The following SNX30 variants were observed in gnomAD, a reference collection of about 807,000 sequenced individuals.
The protein encoded by SNX30 is sorting nexin-30.
SNX30 carries 24 observed loss-of-function variants against 46.4 expected under a neutral mutation model. The ratio of observed to expected loss-of-function variants is 0.52; its 90% CI spans 0.37 to 0.73. SNX30 has a LOEUF of 0.73. Ranked by LOEUF, SNX30 falls within the 30% of genes least tolerant of loss-of-function variation. The probability of loss-of-function intolerance (pLI) is 0.00; values close to 1 mark genes in which losing one functional copy is unlikely to be tolerated. For synonymous variants in SNX30, 189 were observed against 211.5 expected (o/e 0.89, Z 0.92); for missense variants, 533 against 555.7 (o/e 0.96, Z 0.41).
At chr9:112,875,514 A>G (rs1841508070), downstream of SNX30, among the ~76,000 whole-genome samples, 1 of 152,230 alleles carries the variant, frequency 6.6e-6, no homozygotes, top group Non-Finnish European at 1.5e-5. Context: ...TTTTCCACTT[A>G]CTAGCTATGT....
downstream of SNX30, chr9:112,879,333 G>A (rs529744591): frequency 1.2e-5 from 2 of 161,378 alleles, no homozygotes; most frequent in African/African-American, 4.8e-5. Context: ...CACGCTTTGA[G>A]TTCTCCCATG....
chr9:112,829,627 A>T (rs1840630856), intron 3 of SNX30, among the ~76,000 whole-genome samples: 1 of 152,196 alleles, frequency 6.6e-6, no homozygotes, highest in African/African-American at 2.4e-5. Flanking sequence ...GGAATTGGTG[A>T]GTTTTATGGT....
chr9:112,826,771 G>T (rs928040526), intron 3 of SNX30, among the ~76,000 whole-genome samples: 1 of 152,220 alleles, frequency 6.6e-6, no homozygotes, highest in Non-Finnish European at 1.5e-5. Context: ...AAAAGCTGGG[G>T]TATGAGAATG....
At chr9:112,885,719 AGAT>A (rs1841635107), downstream of SNX30, 1 of 152,218 alleles carries the variant, frequency 6.6e-6, no homozygotes, top group Non-Finnish European at 1.5e-5. Context: ...TTAGATGTGG[AGAT>A]GATATTTTGC....
intron 4 of SNX30, among the ~76,000 whole-genome samples, chr9:112,835,738 G>A (rs4276760): frequency 0.17 from 26,534 of 152,082 alleles, 3,120 homozygotes; most frequent in African/African-American, 0.34. Context: ...CTAGGCCTGA[G>A]TTTTCTAGCA....
At chr9:112,837,903 T>C (rs1840788331) in intron 5 of SNX30, among the ~76,000 whole-genome samples, 1 of 145,854 alleles carries the variant, frequency 6.9e-6, no homozygotes, top group Non-Finnish European at 1.5e-5. Context: ...TTTTTTTTTT[T>C]TTTTTTTGAC....
At chr9:112,835,086 G>A (rs1489054731) in intron 4 of SNX30, among the ~76,000 whole-genome samples, 2 of 152,152 alleles carry the variant, frequency 1.3e-5, no homozygotes, top group African/African-American at 4.8e-5. Context: ...ATCAGGCCAC[G>A]TCACCAGAAA....
intron 1 of SNX30, among the ~76,000 whole-genome samples, chr9:112,756,225 G>A: frequency 7.0e-6 from 1 of 142,606 alleles, no homozygotes; most frequent in Admixed American, 7.0e-5. Flanking sequence ...AGACAAGCAG[G>A]AAACAAATAT....
At chr9:112,830,179 C>T (rs1034275516) in intron 3 of SNX30, among the ~76,000 whole-genome samples, 2 of 151,984 alleles carry the variant, frequency 1.3e-5, no homozygotes, top group Non-Finnish European at 2.9e-5. Flanking sequence ...AAGGAAATTA[C>T]GTTTTAAATA....
intron 1 of SNX30, among the ~76,000 whole-genome samples, chr9:112,757,777 G>C (rs1205486551): frequency 1.3e-5 from 2 of 152,014 alleles, no homozygotes; most frequent in East Asian, 3.8e-4. Flanking sequence ...GCCCATCTCC[G>C]TGGTTGCTCC....
downstream of SNX30, chr9:112,879,043 C>T (rs1270457041): frequency 6.6e-6 from 1 of 152,218 alleles, no homozygotes; most frequent in Non-Finnish European, 1.5e-5. Context: ...ACACCACCCA[C>T]TTTGGGAAGC....
At chr9:112,845,041 AAAT>A (rs1840919511) in intron 6 of SNX30, among the ~76,000 whole-genome samples, 1 of 152,224 alleles carries the variant, frequency 6.6e-6, no homozygotes, top group Admixed American at 6.5e-5. Flanking sequence ...CTTGCAGCTA[AAAT>A]AATGTGAAGA....
rs866302387 is a variant in SNX30 at position 112,867,134 on chromosome 9, C to T, written c.1255-1650C>T. Among the ~76,000 whole-genome samples the T allele has an allele frequency of 6.1e-5, 9 of 147,724 alleles. No homozygotes were observed. In the South Asian group the frequency reaches 2.0e-3, roughly 32 times the overall value. On this transcript the variant is annotated intron_variant, in intron 8 of 8. Coordinates refer to ENST00000374232, the MANE Select transcript of SNX30 (RefSeq NM_001012994.2). ...TCCCACCTCCTCAGAACTCCCCACC[C>T]CCTCGGAACTCCTCCTACCTCAGGA...
At chr9:112,880,814 C>G (rs1330302399) in intron 5 of SNX30, among the ~76,000 whole-genome samples, 1 of 152,168 alleles carries the variant, frequency 6.6e-6, no homozygotes, top group Non-Finnish European at 1.5e-5. Flanking sequence ...TTTATGGCAT[C>G]AGAATGGAAT....
intron 6 of SNX30, among the ~76,000 whole-genome samples, chr9:112,844,911 A>G (rs994421177): frequency 2.0e-5 from 3 of 151,664 alleles, no homozygotes; most frequent in Non-Finnish European, 2.9e-5. Flanking sequence ...TTGGTGCTTT[A>G]GGTTGGCCAT....
chr9:112,817,400 G>GTTTTTTTTTT (rs1256963697), intron 2 of SNX30, among the ~76,000 whole-genome samples: 8 of 34,384 alleles, frequency 2.3e-4, no homozygotes, highest in African/African-American at 8.1e-4. Context: ...AAAAAAACTG[G>GTTTTTTTTTT]CTTTTTTTTT....
chr9:112,841,333 G>A (rs10817394), intron 6 of SNX30, among the ~76,000 whole-genome samples: 9,287 of 152,200 alleles, frequency 0.061, 649 homozygotes, highest in African/African-American at 0.16. Context: ...CATTACACTG[G>A]GAGACATAGC....
intron 1 of SNX30, among the ~76,000 whole-genome samples, chr9:112,793,727 G>A (rs1243346052): frequency 6.6e-6 from 1 of 151,828 alleles, no homozygotes; most frequent in Non-Finnish European, 1.5e-5. Flanking sequence ...CATTTGGATG[G>A]CACCCTTTCC....
intron 4 of SNX30, among the ~76,000 whole-genome samples, chr9:112,835,488 T>TTTC (rs1840738313): frequency 6.8e-6 from 1 of 148,020 alleles, no homozygotes; most frequent in Non-Finnish European, 1.5e-5. Flanking sequence ...TTTTTTTTTT[T>TTTC]GTATTTTTAG....
Sources: allele counts gnomAD v4.1 joint callset (sites outside exome capture counted in the v4.1 genomes callset), GRCh38; gene constraint gnomAD v4.1.1; transcripts MANE v1.5; gene names NCBI Gene and HGNC (gene_info 2026-07-23, HGNC 2026-07-21).